ASAP1: variants seen among roughly 807,000 people sequenced by gnomAD.
ASAP1 encodes the protein arf-GAP with SH3 domain, ANK repeat and PH domain-containing protein 1.
Under a neutral mutation model 145.2 loss-of-function variants are expected in ASAP1, and 43 were observed. The observed-to-expected ratio is 0.30, with a 90% CI of 0.23 to 0.38. ASAP1 has a LOEUF of 0.38. ASAP1 is among the 10% of genes least tolerant of loss of function. The pLI, the probability that ASAP1 is intolerant of heterozygous loss-of-function variation, is 1.00. For synonymous variants in ASAP1, 546 were observed against 515.5 expected, an observed-to-expected ratio of 1.06 and a Z score of -0.80; for missense variants, 1,018 against 1,355.3, an observed-to-expected ratio of 0.75 and a Z score of 3.91.
At chr8:130,109,095 C>A (rs2097542507) in intron 24 of ASAP1, among the ~76,000 whole-genome samples, 2 of 152,052 alleles carry the variant, frequency 1.3e-5, no homozygotes, top group South Asian at 2.1e-4. Context: ...TGTTAATAAA[C>A]GTACAGTAGA....
intron 24 of ASAP1, among the ~76,000 whole-genome samples, chr8:130,097,379 T>C (rs1162332283): frequency 6.6e-6 from 1 of 152,064 alleles, no homozygotes; most frequent in Non-Finnish European, 1.5e-5. Context: ...CCTCCCTTGT[T>C]AACGGCCCTC....
intron 3 of ASAP1, among the ~76,000 whole-genome samples, chr8:130,264,889 C>T (rs1820150633): frequency 6.6e-6 from 1 of 151,898 alleles, no homozygotes; most frequent in South Asian, 2.1e-4. Flanking sequence ...TGGCATTTCA[C>T]CATCTTTGAA....
At chr8:130,229,289 C>T (rs541321889) in intron 4 of ASAP1, among the ~76,000 whole-genome samples, 8 of 152,302 alleles carry the variant, frequency 5.3e-5, no homozygotes, top group Admixed American at 1.3e-4. Flanking sequence ...TAAAACTAAA[C>T]ACACACATAT....
intron 2 of ASAP1, among the ~76,000 whole-genome samples, chr8:130,382,041 C>T (rs1168479442): frequency 3.3e-5 from 5 of 152,172 alleles, no homozygotes; most frequent in Non-Finnish European, 5.9e-5. Flanking sequence ...AATCCCAGCA[C>T]TTTGGGAGGC....
At chr8:130,371,337 C>T (rs1488605756) in intron 2 of ASAP1, among the ~76,000 whole-genome samples, 1 of 152,172 alleles carries the variant, frequency 6.6e-6, no homozygotes, top group Non-Finnish European at 1.5e-5. Flanking sequence ...AAAGTTCAAG[C>T]CCTTTGCACT....
chr8:130,157,877 A>T (rs2097661087), intron 12 of ASAP1, among the ~76,000 whole-genome samples: 1 of 152,154 alleles, frequency 6.6e-6, no homozygotes, highest in African/African-American at 2.4e-5. Context: ...CTTTCTCCGT[A>T]GCACTAATTA....
intron 3 of ASAP1, among the ~76,000 whole-genome samples, chr8:130,253,862 A>G (rs181221859): frequency 1.4e-4 from 22 of 152,274 alleles, no homozygotes; most frequent in African/African-American, 5.3e-4. Flanking sequence ...CTCTACTAAA[A>G]ATATAAAAAT....
chr8:130,373,023 CACACACACACAT>C, intron 2 of ASAP1, among the ~76,000 whole-genome samples: 1 of 151,296 alleles, frequency 6.6e-6, no homozygotes, highest in South Asian at 2.1e-4. Context: ...TACACACAGA[CACACACACACAT>C]ACACACATAC....
At chr8:130,279,489 G>T (rs1821127200) in intron 3 of ASAP1, among the ~76,000 whole-genome samples, 1 of 152,158 alleles carries the variant, frequency 6.6e-6, no homozygotes, top group Non-Finnish European at 1.5e-5. Context: ...GGAGTGGGGG[G>T]AATGCAAATC....
intron 3 of ASAP1, among the ~76,000 whole-genome samples, chr8:130,309,188 C>G (rs1483331272): frequency 6.6e-6 from 1 of 152,144 alleles, no homozygotes; most frequent in Non-Finnish European, 1.5e-5. Context: ...AAGCACAATG[C>G]TTGCTTTGGG....
chr8:130,415,247 T>C (rs557815094), intron 1 of ASAP1, among the ~76,000 whole-genome samples: 4 of 151,510 alleles, frequency 2.6e-5, no homozygotes, highest in African/African-American at 9.8e-5. Flanking sequence ...GGCAGAAGGA[T>C]AGCTTGAGGC....
chr8:130,073,759 T>C (rs971554476), intron 27 of ASAP1, among the ~76,000 whole-genome samples: 3 of 152,140 alleles, frequency 2.0e-5, no homozygotes, highest in African/African-American at 7.2e-5. Context: ...CAATCTTGGC[T>C]CTGAGCATTA....
intron 3 of ASAP1, among the ~76,000 whole-genome samples, chr8:130,333,933 G>A (rs1329766939): frequency 6.6e-6 from 1 of 152,176 alleles, no homozygotes; most frequent in Non-Finnish European, 1.5e-5. Context: ...GCCACAGTGT[G>A]CACAGAGCAG....
chr8:130,162,353 T>C (rs2097670958), intron 11 of ASAP1, among the ~76,000 whole-genome samples: 1 of 152,064 alleles, frequency 6.6e-6, no homozygotes, highest in Non-Finnish European at 1.5e-5. Context: ...TTCATAATCC[T>C]AATGAAGAAA....
chr8:130,128,852 T>C lies in ASAP1; in HGVS notation c.1218-762A>G, dbSNP rs144932053. 3.0e-3 allele frequency among the ~76,000 whole-genome samples: 461 copies of C among 152,302 alleles called. 1 individual carries two copies. The highest frequency in any genetic ancestry group is 0.011 in the African/African-American group (444 of 41,572). ...ATTTTCAAATAATTTTTGGGTGACA[T>C]TGGATAAATGCTCATAATATAGTGT... On this transcript the variant is annotated intron_variant, in intron 15 of 29. Coordinates refer to ENST00000518721, the MANE Select transcript of ASAP1 (RefSeq NM_018482.4).
intron 11 of ASAP1, among the ~76,000 whole-genome samples, chr8:130,165,301 GGTAGGGAGTGGTTAA>G (rs1256031479): frequency 6.6e-6 from 1 of 152,086 alleles, no homozygotes; most frequent in Admixed American, 6.5e-5. Context: ...ACAAAACAAA[GGTAGGGAGTGGTTAA>G]GTACATACAG....
At chr8:130,388,002 G>T (rs573623856) in intron 2 of ASAP1, among the ~76,000 whole-genome samples, 1 of 152,172 alleles carries the variant, frequency 6.6e-6, no homozygotes, top group South Asian at 2.1e-4. Context: ...GAAAACATAC[G>T]GGGAGCAACC....
intron 2 of ASAP1, among the ~76,000 whole-genome samples, chr8:130,362,186 A>G (rs1002902879): frequency 6.6e-6 from 1 of 152,164 alleles, no homozygotes; most frequent in African/African-American, 2.4e-5. Flanking sequence ...CATCTGTCTT[A>G]TAACCAAGGG....
intron 28 of ASAP1, among the ~76,000 whole-genome samples, chr8:130,060,156 G>A (rs1278073810): frequency 1.3e-5 from 2 of 150,022 alleles, no homozygotes; most frequent in South Asian, 2.1e-4. Context: ...TTGGTTTCTC[G>A]TGACCCTCAG....
Sources: gnomAD v4.1 joint callset for allele counts (sites outside exome capture counted in the v4.1 genomes callset) on GRCh38, gnomAD v4.1.1 for gene constraint, MANE v1.5 for transcripts, NCBI Gene and HGNC (gene_info 2026-07-23, HGNC 2026-07-21) for gene names.